CEP44: variants seen among roughly 807,000 people sequenced by gnomAD.
CEP44 encodes the protein centrosomal protein of 44 kDa.
A neutral mutation model predicts 46.7 loss-of-function variants in CEP44; 45 were observed. The observed-to-expected ratio is 0.96, with a 90% CI of 0.76 to 1.24. The LOEUF (loss-of-function observed/expected upper bound fraction) is 1.24, where lower values mean the gene tolerates loss of function less well. Ranked by LOEUF, CEP44 falls within the 50% of genes most tolerant of loss-of-function variation. The pLI is 0.00. For missense variants in CEP44, 475 were observed against 459.7 expected (o/e 1.03, Z -0.30); for synonymous variants, 142 against 146.0 (o/e 0.97, Z 0.20).
At chr4:174,330,261 G>A (rs1023273782) in intron 8 of CEP44, among the ~76,000 whole-genome samples, 9 of 152,120 alleles carry the variant, frequency 5.9e-5, no homozygotes, top group Admixed American at 4.6e-4. Context: ...GGCCGAAGTG[G>A]GTGGATCACC....
chr4:174,325,810 A>G lies in CEP44; in HGVS notation c.1087-5672A>G, dbSNP rs75750597. Among the ~76,000 whole-genome samples, 1,092 of 152,226 alleles carry G rather than the reference A, an allele frequency of 7.2e-3. 5 individuals carry two copies. The highest frequency in any genetic ancestry group is 9.3e-3 in the Non-Finnish European group (634 of 68,010). ...ACTGCTATTTCTTCATGATAAAGAG[A>G]CTTATTTCTTATTATGAGTTGGCCC... On this transcript the variant is annotated intron_variant, in intron 8 of 8. Coordinates refer to the CEP44 transcript ENST00000426172. This position sits in a 1 kb window ranked among gnomAD's most constrained non-coding sequence, Gnocchi z 4.4.
chr4:174,285,036 T>G (rs1321602847), intron 1 of CEP44, among the ~76,000 whole-genome samples: 2 of 152,182 alleles, frequency 1.3e-5, no homozygotes, highest in Admixed American at 1.3e-4. Flanking sequence ...GAGTACACTA[T>G]TTTCACAACC....
chr4:174,321,057 T>G (rs1742285116), downstream of CEP44, among the ~76,000 whole-genome samples: 1 of 152,146 alleles, frequency 6.6e-6, no homozygotes, highest in South Asian at 2.1e-4. Flanking sequence ...CACTAGTGTT[T>G]AATCTGTTAT....
chr4:174,328,781 A>G (rs932819939), intron 8 of CEP44, among the ~76,000 whole-genome samples: 1 of 152,246 alleles, frequency 6.6e-6, no homozygotes, highest in African/African-American at 2.4e-5. Context: ...CAGGCTAATT[A>G]AATTCTGCAT....
Position 174,312,264 on chromosome 4 carries a change from A to G in CEP44, c.961+1406A>G, listed in dbSNP as rs557573839. Among the ~76,000 whole-genome samples, 86 of 151,602 alleles carry G rather than the reference A, an allele frequency of 5.7e-4. No individual in the cohort carries two copies. The highest frequency in any genetic ancestry group is 1.9e-3 in the African/African-American group (79 of 41,336). On this transcript the variant is annotated intron_variant, in intron 9 of 11. Coordinates refer to ENST00000503780, the MANE Select transcript of CEP44 (RefSeq NM_001040157.3). The surrounding 1 kb of genome is among the most constrained non-coding windows in gnomAD (Gnocchi z 4.5). ...TAACCTATTTAGAAAACACATGGCT[A>G]AGTTTTTTTTTTTTAATTTTTTAAT...
rs1742126597 is a variant in CEP44, at chr4:174,319,733, A to G, written c.*2350A>G. 1.1e-6 allele frequency: 1 copy of G among 901,894 alleles called. No individual in the cohort carries two copies. The highest frequency in any genetic ancestry group is 5.1e-5 in the South Asian group (1 of 19,706). The allele number at this position is 901,894 out of a possible 1,614,324, so 55.9% of individuals were successfully genotyped here. A position where few individuals can be genotyped will look rare whatever the true frequency, so the allele number is the denominator to read the frequency against. On this transcript the variant is annotated 3_prime_UTR_variant, in exon 12 of 12. Transcript: ENST00000503780. ...GTCTAACAACTCTCTAATAGGGACT[A>G]AAAATCAACTCAATATATCATACAT...
At chr4:174,298,465 G>A (rs1236099558) in intron 2 of CEP44, among the ~76,000 whole-genome samples, 2 of 152,108 alleles carry the variant, frequency 1.3e-5, no homozygotes, top group Non-Finnish European at 2.9e-5. Context: ...GTGAGCCACC[G>A]CGCCCAGCCA....
intron 8 of CEP44, among the ~76,000 whole-genome samples, chr4:174,327,991 C>A (rs940507467): frequency 1.3e-5 from 2 of 152,022 alleles, no homozygotes; most frequent in African/African-American, 2.4e-5. Context: ...TTAAAAAACA[C>A]AAAATGCACA....
chr4:174,326,974 T>G lies in CEP44; in HGVS notation c.1087-4508T>G, dbSNP rs1426261910. Among the ~76,000 whole-genome samples the G allele has an allele frequency of 6.6e-6, 1 of 151,904 alleles. No homozygotes were observed. Among genetic ancestry groups the G allele is most frequent in the African/African-American group, 2.4e-5 (1 of 41,400 alleles). ...TGATTTTCAGCAATTAGAAGAGCTA[T>G]GTAGAAAAACCAAAATAAACTACAG... On this transcript the variant is annotated intron_variant, in intron 8 of 8. Coordinates refer to the CEP44 transcript ENST00000426172. This position sits in a 1 kb window ranked among gnomAD's most constrained non-coding sequence, Gnocchi z 4.8.
At chr4:174,316,675 A>G in intron 11 of CEP44, 108 bp downstream of exon 11, 1 of 1,021,316 alleles carries the variant, frequency 9.8e-7, no homozygotes, top group Non-Finnish European at 1.4e-6. Flanking sequence ...AAGGTCTCTC[A>G]ATCAGGTGTG....
rs1737563528 is a variant in CEP44 at position 174,286,162 on chromosome 4, G to A, written c.-148+2219G>A. Among the ~76,000 whole-genome samples the A allele has an allele frequency of 6.6e-6, 1 of 152,208 alleles. No homozygotes were observed. The highest frequency in any genetic ancestry group is 2.1e-4 in the South Asian group (1 of 4,836). On this transcript the variant is annotated intron_variant, in intron 1 of 11. Transcript: ENST00000503780. This position sits in a 1 kb window ranked among gnomAD's most constrained non-coding sequence, Gnocchi z 5.2. ...TGATAAAGGAGACTAGGAACAGAAA[G>A]GTAGGTTCATAAAGAGGGAGCAGTT...
At chr4:174,308,287 T>C (rs1740670427) in intron 6 of CEP44, among the ~76,000 whole-genome samples, 1 of 152,172 alleles carries the variant, frequency 6.6e-6, no homozygotes, top group African/African-American at 2.4e-5. Flanking sequence ...TATGGAATAC[T>C]CTGTAGCCGT....
rs1251081284 is a variant in CEP44, at chr4:174,312,980, G to A, written c.961+2122G>A. Reference sequence around the variant, plus strand: ...AGAGTGAATTAGCAGAGGCTTTTAGGGATTGGACTTGTGTTGGATAATTTT... The same window carrying A: ...AGAGTGAATTAGCAGAGGCTTTTAGAGATTGGACTTGTGTTGGATAATTTT... On this transcript the variant is annotated intron_variant, in intron 9 of 11. Coordinates refer to ENST00000503780, the MANE Select transcript of CEP44 (RefSeq NM_001040157.3). The surrounding 1 kb of genome is among the most constrained non-coding windows in gnomAD (Gnocchi z 4.5). Among the ~76,000 whole-genome samples, 3 of 152,110 alleles carry A rather than the reference G, an allele frequency of 2.0e-5. No homozygotes were observed. The highest frequency in any genetic ancestry group is 1.9e-4 in the East Asian group (1 of 5,188).
At chr4:174,327,784 A>G (rs1457249496) in intron 8 of CEP44, among the ~76,000 whole-genome samples, 3 of 152,132 alleles carry the variant, frequency 2.0e-5, no homozygotes, top group African/African-American at 2.4e-5. Context: ...GTTTCACACC[A>G]TTCACAATCA....
chr4:174,308,828 T>C lies in CEP44; in HGVS notation c.647T>C (p.Val216Ala). ...LNATEIKMPE[V>A]KVPEIKAEQQ... ...GCTACTGAAATAAAGATGCCTGAAG[T>C]AAAGGTTCCTGAAATCAAGGCTGAG... The change falls in exon 7 of 12, where the codon GTA becomes GCA. Residue 216 changes from valine (V) to alanine (A), a missense_variant. Val to Ala is a moderately conservative substitution (Grantham distance 64). Coordinates refer to ENST00000503780, the MANE Select transcript of CEP44 (RefSeq NM_001040157.3). 6.2e-7 allele frequency: 1 copy of C among 1,613,192 alleles called. No individual in the cohort carries two copies. The highest frequency in any genetic ancestry group is 8.5e-7 in the Non-Finnish European group (1 of 1,179,392).
At chr4:174,327,818 A>C (rs1425529634) in intron 8 of CEP44, among the ~76,000 whole-genome samples, 1 of 152,126 alleles carries the variant, frequency 6.6e-6, no homozygotes, top group African/African-American at 2.4e-5. Context: ...TAAAGACATA[A>C]ATGTGAAAAG....
At chr4:174,289,893 T>C (rs1212745904) in intron 1 of CEP44, among the ~76,000 whole-genome samples, 2 of 151,628 alleles carry the variant, frequency 1.3e-5, no homozygotes, top group Non-Finnish European at 2.9e-5. Context: ...TGGAGTGCAG[T>C]GGCGTGATGA....
At chr4:174,327,373 A>C (rs979089725) in intron 8 of CEP44, among the ~76,000 whole-genome samples, 5 of 151,904 alleles carry the variant, frequency 3.3e-5, no homozygotes, top group Non-Finnish European at 5.9e-5. Flanking sequence ...ATACAGATTA[A>C]TTCTTACCCA....
rs1182769554 is a variant in CEP44, at chr4:174,311,820, CT to C, written c.961+963del. On this transcript the variant is annotated intron_variant, in intron 9 of 11. Coordinates refer to ENST00000503780, the MANE Select transcript of CEP44 (RefSeq NM_001040157.3). The surrounding 1 kb of genome is among the most constrained non-coding windows in gnomAD (Gnocchi z 4.4). ...CTGATCTGAAGTTTTTTCTTGACTG[CT>C]GCATATTTGGAGCACATATCAATAT... Among the ~76,000 whole-genome samples the C allele has an allele frequency of 5.3e-5, 8 of 152,268 alleles. No individual in the cohort carries two copies. The highest frequency in any genetic ancestry group is 2.6e-4 in the Admixed American group (4 of 15,290).
Sources: gnomAD v4.1 joint callset for allele counts (sites outside exome capture counted in the v4.1 genomes callset) on GRCh38, gnomAD v4.1.1 for gene constraint, Gnocchi (gnomAD v3.1) non-coding constraint, MANE v1.5 for transcripts, NCBI Gene and HGNC (gene_info 2026-07-23, HGNC 2026-07-21) for gene names.